EFNA5: variants seen among roughly 807,000 people sequenced by gnomAD.
EFNA5 encodes the protein ephrin A5.
EFNA5 carries 5 observed loss-of-function variants against 22.9 expected under a neutral mutation model. The observed-to-expected ratio is 0.22, with a 90% confidence interval of 0.11 to 0.46. EFNA5 has a LOEUF of 0.46. EFNA5 is among the 20% of genes least tolerant of loss of function. The pLI is 0.99. For synonymous variants in EFNA5, 113 were observed against 112.2 expected (o/e 1.01, Z -0.04); for missense variants, 237 against 293.3 (o/e 0.81, Z 1.40).
intron 1 of EFNA5, among the ~76,000 whole-genome samples, chr5:107,636,381 C>A (rs61293072): frequency 0.017 from 2,515 of 152,172 alleles, 75 homozygotes; most frequent in African/African-American, 0.057. Context: ...TCATGGAGCC[C>A]AAAGCACAAA....
intron 1 of EFNA5, among the ~76,000 whole-genome samples, chr5:107,579,000 A>G (rs996283196): frequency 6.6e-6 from 1 of 152,184 alleles, no homozygotes; most frequent in African/African-American, 2.4e-5. Context: ...GAAAGGACCC[A>G]TAAAGACAAA....
chr5:107,423,557 G>T (rs1263283134), intron 2 of EFNA5, among the ~76,000 whole-genome samples: 1 of 151,926 alleles, frequency 6.6e-6, no homozygotes, highest in African/African-American at 2.4e-5. Context: ...GAGTATTTTT[G>T]AATTTTTTAA....
chr5:107,574,116 G>A (rs1283836085), intron 1 of EFNA5, among the ~76,000 whole-genome samples: 1 of 152,078 alleles, frequency 6.6e-6, no homozygotes, highest in Non-Finnish European at 1.5e-5. Flanking sequence ...TCAAGTATGG[G>A]GATAAGTATG....
intron 4 of EFNA5, among the ~76,000 whole-genome samples, chr5:107,384,290 A>T (rs1747550535): frequency 6.6e-6 from 1 of 152,196 alleles, no homozygotes; most frequent in Non-Finnish European, 1.5e-5. Flanking sequence ...TGGCTACAGG[A>T]TTCCACAACA....
Position 107,530,429 on chromosome 5 carries a change from A to G in EFNA5, c.126-102920T>C, listed in dbSNP as rs531237739. Among the ~76,000 whole-genome samples, 9 of 152,342 alleles carry G rather than the reference A, an allele frequency of 5.9e-5. 1 individual carries two copies. In the South Asian group the frequency reaches 1.7e-3, roughly 28 times the overall value. On this transcript the variant is annotated intron_variant, in intron 1 of 4. Transcript: ENST00000333274. Reference sequence around the variant, plus strand: ...AGTGTAATTCAACTATACACCTGGCAGGTAAGAGAAACAAAACCTCTGTAA... The same window carrying G: ...AGTGTAATTCAACTATACACCTGGCGGGTAAGAGAAACAAAACCTCTGTAA...
chr5:107,565,437 T>C (rs1190912410), intron 1 of EFNA5, among the ~76,000 whole-genome samples: 1 of 152,220 alleles, frequency 6.6e-6, no homozygotes, highest in African/African-American at 2.4e-5. Context: ...TCGGAATAAA[T>C]ACTTGAGTAG....
At chr5:107,456,878 A>G (rs558233734) in intron 1 of EFNA5, among the ~76,000 whole-genome samples, 25 of 152,238 alleles carry the variant, frequency 1.6e-4, no homozygotes, top group Admixed American at 3.9e-4. Context: ...TATCTAGTCA[A>G]AATGCATCCC....
At chr5:107,515,652 A>C in intron 1 of EFNA5, among the ~76,000 whole-genome samples, 1 of 152,132 alleles carries the variant, frequency 6.6e-6, no homozygotes, top group Non-Finnish European at 1.5e-5. Context: ...TGCTGGGATT[A>C]CAGGAATGAG....
chr5:107,645,533 A>G (rs1362091350), intron 1 of EFNA5, among the ~76,000 whole-genome samples: 1 of 152,222 alleles, frequency 6.6e-6, no homozygotes, highest in Non-Finnish European at 1.5e-5. Context: ...ATACTGAATC[A>G]AGTTTTATAG....
At position 107,549,160 on chromosome 5, in the gene EFNA5, A is replaced by C. The variant is rs1748232114; in HGVS notation, c.125+121329T>G. On this transcript the variant is annotated intron_variant, in intron 1 of 4. Transcript: ENST00000333274. Reference sequence around the variant, plus strand: ...TAGTGGTCCTGACACATTTCAGAGTAAGAAAAAAAGAAAGCCCAAATTGTA... The same window carrying C: ...TAGTGGTCCTGACACATTTCAGAGTCAGAAAAAAAGAAAGCCCAAATTGTA... 2.0e-5 allele frequency among the ~76,000 whole-genome samples: 3 copies of C among 152,218 alleles called. No homozygotes were observed. In the South Asian group the frequency reaches 6.2e-4, roughly 31 times the overall value.
chr5:107,627,112 G>C (rs1025226108), intron 1 of EFNA5, among the ~76,000 whole-genome samples: 2 of 152,134 alleles, frequency 1.3e-5, no homozygotes, highest in African/African-American at 4.8e-5. Context: ...CATAATATTT[G>C]AGTGATTTAT....
chr5:107,448,860 A>AATAC (rs1464664650), intron 1 of EFNA5, among the ~76,000 whole-genome samples: 5 of 114,622 alleles, frequency 4.4e-5, no homozygotes, highest in African/African-American at 2.0e-4. Context: ...TAAATAAATA[A>AATAC]ATAAATAAAT....
intron 1 of EFNA5, among the ~76,000 whole-genome samples, chr5:107,482,988 C>T (rs990767016): frequency 3.3e-5 from 5 of 151,996 alleles, no homozygotes; most frequent in South Asian, 4.2e-4. Flanking sequence ...GTATTTCACG[C>T]ACTGGTGCCA....
chr5:107,579,051 G>A (rs1378300966), intron 1 of EFNA5, among the ~76,000 whole-genome samples: 1 of 152,084 alleles, frequency 6.6e-6, no homozygotes, highest in African/African-American at 2.4e-5. Flanking sequence ...CTGTGGCCCT[G>A]ATCAACTCTG....
At chr5:107,448,866 T>TA (rs1554059800) in intron 1 of EFNA5, among the ~76,000 whole-genome samples, 1,727 of 141,306 alleles carry the variant, frequency 0.012, 14 homozygotes, top group Non-Finnish European at 0.016. Flanking sequence ...AATAAATAAA[T>TA]AAATAAAATA....
At chr5:107,429,044 A>G (rs988039545) in intron 1 of EFNA5, among the ~76,000 whole-genome samples, 1 of 152,164 alleles carries the variant, frequency 6.6e-6, no homozygotes, top group African/African-American at 2.4e-5. Context: ...GACCCTTCTC[A>G]TAGTCTCCAG....
At chr5:107,498,114 C>T (rs1372601857) in intron 1 of EFNA5, among the ~76,000 whole-genome samples, 1 of 152,146 alleles carries the variant, frequency 6.6e-6, no homozygotes, top group African/African-American at 2.4e-5. Flanking sequence ...CGGGGTTTCA[C>T]CATGTTGGCC....
rs1465472550 is a variant in EFNA5, at chr5:107,464,163, CCTCTGGAGT to C, written c.126-36663_126-36655del. On this transcript the variant is annotated intron_variant, in intron 1 of 4. Transcript: ENST00000333274. ...GCACACCCTGCCCCTAACCTCCTAA[CCTCTGGAGT>C]CTGGGCTGGCTAGAATTCAGCCCCG... is the stretch of plus-strand genomic sequence containing the variant. 2.0e-5 allele frequency among the ~76,000 whole-genome samples: 3 copies of C among 152,254 alleles called. No individual in the cohort carries two copies. In the East Asian group the frequency reaches 5.8e-4, roughly 29 times the overall value.
intron 1 of EFNA5, among the ~76,000 whole-genome samples, chr5:107,540,741 T>C (rs536625354): frequency 7.2e-5 from 11 of 152,302 alleles, no homozygotes; most frequent in Middle Eastern, 6.8e-3. Flanking sequence ...AGATTTTGAG[T>C]GAGAAAGCCT....
Sources: allele counts gnomAD v4.1 joint callset (sites outside exome capture counted in the v4.1 genomes callset), GRCh38; gene constraint gnomAD v4.1.1; transcripts MANE v1.5; gene names NCBI Gene and HGNC (gene_info 2026-07-23, HGNC 2026-07-21).